ADAMTSL1: variants seen among roughly 807,000 people sequenced by gnomAD.
The protein encoded by ADAMTSL1 is ADAMTS like 1, also known as ADAMTS-like protein 1.
Under a neutral mutation model 201.8 loss-of-function variants are expected in ADAMTSL1, and 126 were observed. The ratio of observed to expected loss-of-function variants is 0.62; its 90% CI spans 0.54 to 0.72. ADAMTSL1 has a LOEUF of 0.72. ADAMTSL1 is among the 30% of genes least tolerant of loss of function. The pLI is 0.00. For missense variants in ADAMTSL1, 2,679 were observed against 2,277.8 expected (o/e 1.18, Z -3.59); for synonymous variants, 1,121 against 903.4 (o/e 1.24, Z -4.32).
At chr9:18,654,186 G>A (rs575013557) in intron 7 of ADAMTSL1, among the ~76,000 whole-genome samples, 35 of 152,320 alleles carry the variant, frequency 2.3e-4, no homozygotes, top group Non-Finnish European at 4.9e-4. Context: ...CTGAGATCAC[G>A]CCACTTCGCT....
At chr9:18,230,644 C>T (rs2132405270) in intron 2 of ADAMTSL1, among the ~76,000 whole-genome samples, 1 of 152,176 alleles carries the variant, frequency 6.6e-6, no homozygotes, top group African/African-American at 2.4e-5. Flanking sequence ...AAGAGGGGTC[C>T]TGGGAGCCAT....
chr9:18,651,365 T>G (rs903416479), intron 7 of ADAMTSL1: 3 of 152,200 alleles, frequency 2.0e-5, no homozygotes, highest in Non-Finnish European at 4.4e-5. Flanking sequence ...AACCTCCAAC[T>G]CAGCTCTACC....
At chr9:18,833,063 C>G (rs1588190785) in intron 23 of ADAMTSL1, among the ~76,000 whole-genome samples, 1 of 152,200 alleles carries the variant, frequency 6.6e-6, no homozygotes. Context: ...GTATTGATTT[C>G]ACCTCAAGCC....
At chr9:18,682,794 A>G (rs1173716830) in intron 12 of ADAMTSL1, among the ~76,000 whole-genome samples, 2 of 152,192 alleles carry the variant, frequency 1.3e-5, no homozygotes, top group South Asian at 2.1e-4. Context: ...GGTGGCCCTA[A>G]TTGCAACTGA....
rs150614212 is a variant in ADAMTSL1 at position 18,846,138 on chromosome 9, T to C, written c.4249+16161T>C. Among the ~76,000 whole-genome samples, 12 of 152,332 alleles carry C rather than the reference T, an allele frequency of 7.9e-5. No individual in the cohort carries two copies. The East Asian group carries it at 2.3e-3, about 29-fold the overall frequency. On this transcript the variant is annotated intron_variant, in intron 23 of 28. Transcript: ENST00000380548. ...TTCAAAAAGAAGTATTGAGCATCTA[T>C]TTACTATACCAGGCACTGTTCTAGG...
intron 2 of ADAMTSL1, among the ~76,000 whole-genome samples, chr9:18,194,373 G>A (rs1156695551): frequency 3.9e-5 from 6 of 152,088 alleles, no homozygotes; most frequent in African/African-American, 1.4e-4. Context: ...AGCAGAAAAT[G>A]AAGAGGACAG....
At chr9:18,088,569 C>G (rs908185902) in intron 1 of ADAMTSL1, among the ~76,000 whole-genome samples, 6 of 152,096 alleles carry the variant, frequency 3.9e-5, no homozygotes, top group African/African-American at 1.4e-4. Flanking sequence ...AAGATAGGGA[C>G]TTGATTAGAA....
intron 23 of ADAMTSL1, among the ~76,000 whole-genome samples, chr9:18,879,559 A>C (rs916351424): frequency 6.6e-6 from 1 of 152,262 alleles, no homozygotes; most frequent in Non-Finnish European, 1.5e-5. Context: ...TGTAAAAGTT[A>C]TGTTTACACT....
chr9:18,797,331 T>C (rs1486843199), intron 20 of ADAMTSL1, among the ~76,000 whole-genome samples: 1 of 152,248 alleles, frequency 6.6e-6, no homozygotes, highest in Admixed American at 6.5e-5. Context: ...TACCCTTACC[T>C]GAGTTTATCA....
rs190671076 is a variant in ADAMTSL1, at chr9:18,550,711, C to T, written c.237+17419C>T. Among the ~76,000 whole-genome samples, 4 of 151,986 alleles carry T rather than the reference C, an allele frequency of 2.6e-5. No homozygotes were observed. In the East Asian group the frequency reaches 5.8e-4, roughly 22 times the overall value. ...TTATCTGGGTGTCTGTACACAGAAT[C>T]ATGAGATAATAAATTTGTGTTGTTT... On this transcript the variant is annotated intron_variant, in intron 3 of 28. Transcript: ENST00000380548.
rs774594752 is a variant in ADAMTSL1 at position 18,574,319 on chromosome 9, G to A, written c.474+53G>A. 2.1e-6 allele frequency: 3 copies of A among 1,448,666 alleles called. No homozygotes were observed. In the South Asian group the frequency reaches 3.4e-5, roughly 17 times the overall value. The allele number at this position is 1,448,666 out of a possible 1,614,324, so 89.7% of individuals were successfully genotyped here. ...TTGTCCAGAGGGTTTCAATGTCTTT[G>A]TGTAAATGGTTTACATAGTCTCACT... On this transcript the variant is annotated intron_variant, in intron 4 of 28. Coordinates refer to ENST00000380548, the MANE Select transcript of ADAMTSL1 (RefSeq NM_001040272.6).
At chr9:18,108,448 C>T (rs760520117) in intron 1 of ADAMTSL1, among the ~76,000 whole-genome samples, 1 of 152,004 alleles carries the variant, frequency 6.6e-6, no homozygotes, top group Non-Finnish European at 1.5e-5. Context: ...CATCCTCCCG[C>T]CTTGGCCTCC....
At chr9:18,547,633 T>TAAATAAAAAAAA (rs1554702002) in intron 3 of ADAMTSL1, among the ~76,000 whole-genome samples, 3 of 86,260 alleles carry the variant, frequency 3.5e-5, no homozygotes, top group African/African-American at 1.6e-4. Flanking sequence ...TATATATATA[T>TAAATAAAAAAAA]AAAAAAAAAA....
intron 1 of ADAMTSL1, among the ~76,000 whole-genome samples, chr9:18,143,930 G>T: frequency 6.6e-6 from 1 of 152,162 alleles, no homozygotes; most frequent in African/African-American, 2.4e-5. Flanking sequence ...GGAGGGGGCA[G>T]ATAAAATATG....
At chr9:18,163,289 A>T (rs1263344587) in intron 1 of ADAMTSL1, among the ~76,000 whole-genome samples, 1 of 152,056 alleles carries the variant, frequency 6.6e-6, no homozygotes, top group Non-Finnish European at 1.5e-5. Context: ...TTGTCACAAG[A>T]TAACCTGTGT....
chr9:18,207,635 C>T lies in ADAMTSL1; in HGVS notation c.207+43654C>T, dbSNP rs975874171. Reference sequence around the variant, plus strand: ...CAGATGAAAAGGTGAATCCATGGTCCGATGCTAGTCATTTTAGGCGCCCTT... The same window carrying T: ...CAGATGAAAAGGTGAATCCATGGTCTGATGCTAGTCATTTTAGGCGCCCTT... On this transcript the variant is annotated intron_variant, in intron 2 of 29. Coordinates refer to the ADAMTSL1 transcript ENST00000680146. Among the ~76,000 whole-genome samples the T allele has an allele frequency of 5.9e-5, 9 of 152,108 alleles. No individual in the cohort carries two copies. The South Asian group carries it at 1.2e-3, about 21-fold the overall frequency.
chr9:18,253,235 A>G (rs971247930), intron 2 of ADAMTSL1, among the ~76,000 whole-genome samples: 5 of 152,206 alleles, frequency 3.3e-5, no homozygotes, highest in Admixed American at 6.5e-5. Context: ...ATGGGTATAC[A>G]TAAAGTGGTA....
chr9:18,059,556 A>AT (rs1351019452), intron 1 of ADAMTSL1, among the ~76,000 whole-genome samples: 4 of 152,042 alleles, frequency 2.6e-5, no homozygotes, highest in African/African-American at 9.7e-5. Flanking sequence ...GGGATAATGG[A>AT]TTTTTTCTCA....
chr9:18,484,336 A>G lies in ADAMTSL1; in HGVS notation c.63+10041A>G, dbSNP rs536780214. Among the ~76,000 whole-genome samples, 29 of 152,356 alleles carry G rather than the reference A, an allele frequency of 1.9e-4. No homozygotes were observed. The South Asian group carries it at 4.8e-3, about 25-fold the overall frequency. On this transcript the variant is annotated intron_variant, in intron 1 of 28. Transcript: ENST00000380548. ...CTGTATATTTAACTATTGCTGATGT[A>G]ACGGGGTTTCTGCCTAAAGAAATAG...
Sources: allele counts gnomAD v4.1 joint callset (sites outside exome capture counted in the v4.1 genomes callset), GRCh38; gene constraint gnomAD v4.1.1; transcripts MANE v1.5; gene names NCBI Gene and HGNC (gene_info 2026-07-23, HGNC 2026-07-21).